The following RFX6 variants were observed in gnomAD, a reference collection of about 807,000 sequenced individuals.
The protein encoded by RFX6 is DNA-binding protein RFX6.
Under a neutral mutation model 110.8 loss-of-function variants are expected in RFX6, and 50 were observed. The ratio of observed to expected loss-of-function variants is 0.45; its 90% CI spans 0.36 to 0.57. RFX6 has a LOEUF of 0.57. Ranked by LOEUF, RFX6 falls within the 20% of genes least tolerant of loss-of-function variation. The pLI, the probability that RFX6 is intolerant of heterozygous loss-of-function variation, is 0.00. For synonymous variants in RFX6, 383 were observed against 411.2 expected, an observed-to-expected ratio of 0.93 and a Z score of 0.83; for missense variants, 990 against 1,127.0, an observed-to-expected ratio of 0.88 and a Z score of 1.74.
At chr6:116,922,470 A>T (rs1271000208) in intron 13 of RFX6, among the ~76,000 whole-genome samples, 1 of 152,196 alleles carries the variant, frequency 6.6e-6, no homozygotes, top group Non-Finnish European at 1.5e-5. Flanking sequence ...AACTGGAATG[A>T]TCTGGCCCGT....
intron 4 of RFX6, among the ~76,000 whole-genome samples, chr6:116,893,125 G>C (rs1774866266): frequency 6.6e-6 from 1 of 152,152 alleles, no homozygotes; most frequent in African/African-American, 2.4e-5. Context: ...AATTGAAGGA[G>C]TTGGTAAACA....
At chr6:116,893,899 C>A in intron 4 of RFX6, 88 bp from the exon 5 acceptor site, 1 of 818,856 alleles carries the variant, frequency 1.2e-6, no homozygotes, top group Non-Finnish European at 2.2e-6. Context: ...AGTTCTTATT[C>A]ATGGTTATGT....
rs538996141 is a variant in RFX6 at position 116,901,924 on chromosome 6, G to A, written c.672+6717G>A. Among the ~76,000 whole-genome samples the A allele has an allele frequency of 3.5e-4, 54 of 152,132 alleles. No homozygotes were observed. In the South Asian group the frequency reaches 9.3e-3, roughly 26 times the overall value. Reference sequence around the variant, plus strand: ...CATGGTTTATAATTGCAGAATACTCGAAAATAATCAAAGTGTTCATTATGA... The same window carrying A: ...CATGGTTTATAATTGCAGAATACTCAAAAATAATCAAAGTGTTCATTATGA... On this transcript the variant is annotated intron_variant, in intron 6 of 18. Transcript: ENST00000332958.
intron 3 of RFX6, among the ~76,000 whole-genome samples, chr6:116,881,209 A>C (rs992740896): frequency 1.3e-5 from 2 of 152,050 alleles, no homozygotes; most frequent in Admixed American, 1.3e-4. Context: ...TAGGATGGGA[A>C]TCTATATAAC....
chr6:116,907,085 G>A, intron 6 of RFX6, among the ~76,000 whole-genome samples: 1 of 151,602 alleles, frequency 6.6e-6, no homozygotes, highest in Non-Finnish European at 1.5e-5. Flanking sequence ...GAAAGGATAT[G>A]GAATTTTTTC....
chr6:116,883,843 T>G (rs1774644558), intron 4 of RFX6, among the ~76,000 whole-genome samples: 1 of 152,176 alleles, frequency 6.6e-6, no homozygotes, highest in Non-Finnish European at 1.5e-5. Context: ...TTCTTGTCCA[T>G]TCATGCAATT....
In RFX6 at chr6:116,877,500, T is replaced by A; in HGVS notation, c.223+2T>A. 1 of 1,552,234 alleles carries A rather than the reference T, an allele frequency of 6.4e-7. No individual in the cohort carries two copies. Among genetic ancestry groups the A allele is most frequent in the South Asian group, 1.2e-5 (1 of 84,032 alleles). On this transcript the variant is annotated splice_donor_variant, in intron 1 of 18. Transcript: ENST00000332958. LOFTEE classifies it high-confidence loss of function. The stretch of plus-strand genomic sequence containing the variant: ...AGCTGCCGGGGGCAGTGAAATCAGG[T>A]GAGTGCTCTGCCGCATCCGGAGCTG...
intron 2 of RFX6, 142 bp downstream of exon 2, chr6:116,878,094 AT>A: frequency 2.3e-6 from 2 of 864,034 alleles, no homozygotes; most frequent in Non-Finnish European, 3.7e-6. Context: ...TTAACCCAGA[AT>A]TTTTTTCACT....
Position 116,920,347 on chromosome 6 carries a change from A to G in RFX6, c.1220A>G (p.Asn407Ser), listed in dbSNP as rs1365752208. The G allele has an allele frequency of 6.2e-7, 1 of 1,612,406 alleles. No individual in the cohort carries two copies. The highest frequency in any genetic ancestry group is 8.5e-7 in the Non-Finnish European group (1 of 1,178,596). ...RPALFDQHVVNSMVSDIERVD... is the reference protein window; with the variant it reads ...RPALFDQHVVSSMVSDIERVD... ...GCTCTCTTTGACCAGCATGTCGTTAATTCTATGGTGTCTGATATTGAAAGG... is the reference window on the plus strand; with the variant it reads ...GCTCTCTTTGACCAGCATGTCGTTAGTTCTATGGTGTCTGATATTGAAAGG... Residue 407 changes from asparagine to serine, a missense_variant, in exon 12 of 19, where the codon AAT (asparagine) becomes AGT (serine). This residue lies in a region of RFX6 where 243 missense variants were observed against 353.1 expected (regional missense o/e 0.69). Coordinates refer to ENST00000332958, the MANE Select transcript of RFX6 (RefSeq NM_173560.4).
chr6:116,895,835 T>G (rs1369880001), intron 6 of RFX6, among the ~76,000 whole-genome samples: 1 of 152,170 alleles, frequency 6.6e-6, no homozygotes, highest in East Asian at 1.9e-4. Flanking sequence ...GAAGAGGTGC[T>G]GCCAAGCTAA....
chr6:116,881,469 AAAT>A (rs924502308), intron 3 of RFX6, among the ~76,000 whole-genome samples: 3 of 152,096 alleles, frequency 2.0e-5, no homozygotes, highest in Non-Finnish European at 4.4e-5. Context: ...CTCATTTAAA[AAAT>A]AATGTTATTT....
In RFX6 at chr6:116,927,337, A is replaced by G. The variant is rs746986698; in HGVS notation, c.2196A>G (p.Glu732=). The G allele has an allele frequency of 6.8e-6, 11 of 1,614,072 alleles. No homozygotes were observed. In the Admixed American group the frequency reaches 1.7e-4, roughly 24 times the overall value. The stretch of plus-strand genomic sequence containing the variant: ...ATGGTCGATGCATGGCTTGGACTGA[A>G]CAGCAGCTTTCAAGAGACTTCTTCA... ...TEHGRCMAWT[E]QQLSRDFFSG... The change falls in exon 17 of 19, where the codon GAA becomes GAG. Residue 732 remains glutamate (E), a synonymous_variant. Coordinates refer to ENST00000332958, the MANE Select transcript of RFX6 (RefSeq NM_173560.4).
chr6:116,898,860 T>C (rs1332246473), intron 6 of RFX6, among the ~76,000 whole-genome samples: 1 of 152,166 alleles, frequency 6.6e-6, no homozygotes, highest in Non-Finnish European at 1.5e-5. Flanking sequence ...TCCTAGCTAT[T>C]CTCAACCAGG....
At chr6:116,907,339 T>A (rs79115577) in intron 6 of RFX6, among the ~76,000 whole-genome samples, 2,200 of 152,182 alleles carry the variant, frequency 0.014, 48 homozygotes, top group African/African-American at 0.051. Flanking sequence ...AATGTCTTTG[T>A]CAGGCTTTGG....
intron 4 of RFX6, among the ~76,000 whole-genome samples, chr6:116,886,013 A>G (rs1023883243): frequency 1.3e-5 from 2 of 152,146 alleles, no homozygotes; most frequent in Non-Finnish European, 2.9e-5. Flanking sequence ...GAACAACTGA[A>G]TGAAAGACAG....
intron 14 of RFX6, 177 bp downstream of exon 14, chr6:116,923,401 G>A: frequency 1.7e-6 from 1 of 600,882 alleles, no homozygotes; most frequent in Non-Finnish European, 3.0e-6. Flanking sequence ...CCATAAGCAG[G>A]ATTAAATCCT....
At chr6:116,891,509 G>T (rs776011614) in intron 4 of RFX6, among the ~76,000 whole-genome samples, 3 of 152,198 alleles carry the variant, frequency 2.0e-5, no homozygotes, top group Non-Finnish European at 4.4e-5. Flanking sequence ...AGAACAAACA[G>T]CAAGCTTTGC....
chr6:116,926,596 A>G (rs986129191), intron 16 of RFX6, among the ~76,000 whole-genome samples: 1 of 151,758 alleles, frequency 6.6e-6, no homozygotes, highest in Non-Finnish European at 1.5e-5. Flanking sequence ...CACATTACTT[A>G]TAAGAGGTGT....
chr6:116,902,546 T>C (rs922196617), intron 6 of RFX6, among the ~76,000 whole-genome samples: 1 of 151,960 alleles, frequency 6.6e-6, no homozygotes, highest in African/African-American at 2.4e-5. Flanking sequence ...ATAAAACAAA[T>C]GAACAAAACT....
Sources: allele counts gnomAD v4.1 joint callset (sites outside exome capture counted in the v4.1 genomes callset), GRCh38; gene constraint gnomAD v4.1.1; regional missense constraint gnomAD v4.1.1; transcripts MANE v1.5; gene names NCBI Gene and HGNC (gene_info 2026-07-23, HGNC 2026-07-21).